The following CDH2 variants were observed in gnomAD, a reference collection of about 807,000 sequenced individuals.
CDH2 encodes the protein cadherin-2.
A neutral mutation model predicts 92.0 loss-of-function variants in CDH2; 17 were observed. That is an observed-to-expected ratio of 0.18 (90% confidence interval 0.13 to 0.28). The LOEUF (loss-of-function observed/expected upper bound fraction) is 0.28. Among genes scored for constraint, CDH2 ranks in the 10% least tolerant of loss-of-function variants. CDH2 has a pLI of 1.00. For synonymous variants in CDH2, 419 were observed against 415.9 expected (o/e 1.01, Z -0.09); for missense variants, 862 against 1,133.1 (o/e 0.76, Z 3.44).
intron 2 of CDH2, among the ~76,000 whole-genome samples, chr18:28,110,823 G>A (rs1034388347): frequency 2.0e-5 from 3 of 152,090 alleles, no homozygotes; most frequent in Non-Finnish European, 4.4e-5. Flanking sequence ...GTGGCCAAAG[G>A]TATCCAGCTG....
chr18:27,979,767 T>C (rs1469035911), intron 14 of CDH2, among the ~76,000 whole-genome samples: 1 of 152,128 alleles, frequency 6.6e-6, no homozygotes, highest in Non-Finnish European at 1.5e-5. Context: ...TGCTAATCTA[T>C]GGTGACAGAA....
At chr18:28,091,001 C>G (rs144202682) in intron 2 of CDH2, among the ~76,000 whole-genome samples, 2 of 152,166 alleles carry the variant, frequency 1.3e-5, no homozygotes, top group Non-Finnish European at 2.9e-5. Context: ...ACCTAATATG[C>G]TAGTCCTCCG....
At chr18:28,132,831 A>G (rs1415934886) in intron 2 of CDH2, among the ~76,000 whole-genome samples, 1 of 152,178 alleles carries the variant, frequency 6.6e-6, no homozygotes, top group African/African-American at 2.4e-5. Flanking sequence ...TCCCAAATCC[A>G]TAACTGCTTA....
chr18:27,947,182 A>ATTTT (rs556029721), downstream of CDH2, among the ~76,000 whole-genome samples: 313 of 151,950 alleles, frequency 2.1e-3, 4 homozygotes, highest in African/African-American at 7.1e-3. Context: ...TATTAAAAGT[A>ATTTT]ATACAACAGT....
At chr18:27,938,707 C>T (rs1909073366) in intron 6 of CDH2, among the ~76,000 whole-genome samples, 1 of 151,974 alleles carries the variant, frequency 6.6e-6, no homozygotes, top group Admixed American at 6.6e-5. Context: ...GAAAGTGAAA[C>T]CTCTACATTT....
intron 2 of CDH2, among the ~76,000 whole-genome samples, chr18:28,051,477 T>G (rs141307695): frequency 2.7e-4 from 41 of 152,306 alleles, no homozygotes; most frequent in Admixed American, 1.4e-3. Flanking sequence ...AAATGCAGTG[T>G]ATAAGGTAAG....
intron 1 of CDH2, among the ~76,000 whole-genome samples, chr18:28,162,767 C>A (rs536227983): frequency 6.6e-6 from 1 of 152,342 alleles, no homozygotes; most frequent in Non-Finnish European, 1.5e-5. Flanking sequence ...CCTGGCCAGC[C>A]ACCTCACAAC....
At chr18:27,961,127 G>GA (rs1264829331) in intron 15 of CDH2, among the ~76,000 whole-genome samples, 2 of 151,900 alleles carry the variant, frequency 1.3e-5, no homozygotes, top group Non-Finnish European at 2.9e-5. Flanking sequence ...TGACAAGTAG[G>GA]ATGAAAGGCT....
chr18:28,073,763 T>G (rs1202441997), intron 2 of CDH2, among the ~76,000 whole-genome samples: 1 of 152,186 alleles, frequency 6.6e-6, no homozygotes, highest in Non-Finnish European at 1.5e-5. Context: ...AGAATATCTG[T>G]GTTCAAAATC....
At chr18:28,052,135 C>T (rs2014204442) in intron 2 of CDH2, among the ~76,000 whole-genome samples, 1 of 152,108 alleles carries the variant, frequency 6.6e-6, no homozygotes, top group Non-Finnish European at 1.5e-5. Context: ...GTATATTTTA[C>T]AAAGACAATT....
chr18:27,938,421 T>A (rs1421766013), intron 6 of CDH2, among the ~76,000 whole-genome samples: 1 of 152,176 alleles, frequency 6.6e-6, no homozygotes, highest in Admixed American at 6.5e-5. Context: ...TAGACCATGT[T>A]TGTCCTCATA....
In CDH2 at chr18:28,003,180, T is replaced by A. The variant is rs745392532; in HGVS notation, c.848-11A>T. On this transcript the variant is annotated splice_polypyrimidine_tract_variant and intron_variant, in intron 6 of 15. Coordinates refer to ENST00000269141, the MANE Select transcript of CDH2 (RefSeq NM_001792.5). ...TCATCACATATGTTCCTAGAGACAGTGTACATGGAAAATGAATGGTTACCC... is the reference window on the plus strand; with the variant it reads ...TCATCACATATGTTCCTAGAGACAGAGTACATGGAAAATGAATGGTTACCC... 1 of 1,600,568 alleles carries A rather than the reference T, an allele frequency of 6.2e-7. No homozygotes were observed. Among genetic ancestry groups the A allele is most frequent in the South Asian group, 1.1e-5 (1 of 90,322 alleles).
At chr18:28,133,814 C>G (rs911325470) in intron 2 of CDH2, among the ~76,000 whole-genome samples, 1 of 151,876 alleles carries the variant, frequency 6.6e-6, no homozygotes, top group South Asian at 2.1e-4. Flanking sequence ...ACTGCAAAAC[C>G]GTGATGCTGC....
intron 6 of CDH2, among the ~76,000 whole-genome samples, chr18:27,934,519 A>C (rs944476412): frequency 6.6e-6 from 1 of 152,174 alleles, no homozygotes; most frequent in Non-Finnish European, 1.5e-5. Context: ...TCTTGCCCTA[A>C]AGATCAGCTA....
At chr18:27,947,386 A>G (rs1020826297), downstream of CDH2, among the ~76,000 whole-genome samples, 1 of 151,850 alleles carries the variant, frequency 6.6e-6, no homozygotes, top group Admixed American at 6.6e-5. Flanking sequence ...ATATTATAGT[A>G]TTGGATAGAA....
At chr18:27,968,526 T>A (rs552151947) in intron 14 of CDH2, among the ~76,000 whole-genome samples, 9 of 152,134 alleles carry the variant, frequency 5.9e-5, no homozygotes, top group Admixed American at 3.9e-4. Flanking sequence ...TAAGACTAAC[T>A]GTTGTTTAGG....
intron 1 of CDH2, among the ~76,000 whole-genome samples, chr18:28,148,610 A>G (rs2016074377): frequency 6.6e-6 from 1 of 152,130 alleles, no homozygotes; most frequent in Non-Finnish European, 1.5e-5. Flanking sequence ...AGGAAACTCT[A>G]CCATGTACTA....
rs761795337 is a variant in CDH2, at chr18:28,073,957, T to C, written c.173-60048A>G. Among the ~76,000 whole-genome samples, 73 of 152,162 alleles carry C rather than the reference T, an allele frequency of 4.8e-4. 1 individual carries two copies. The highest frequency in any genetic ancestry group is 7.6e-4 in the Non-Finnish European group (52 of 68,036). ...TGTTTAGCCATTCACTATCTTGTTA[T>C]TTACATTGTATTAATATCATTAGCA... is the stretch of plus-strand genomic sequence containing the variant. On this transcript the variant is annotated intron_variant, in intron 2 of 15. Transcript: ENST00000269141.
At chr18:28,073,722 T>C (rs1273870772) in intron 2 of CDH2, among the ~76,000 whole-genome samples, 1 of 152,200 alleles carries the variant, frequency 6.6e-6, no homozygotes, top group Non-Finnish European at 1.5e-5. Flanking sequence ...GTAATCAAGC[T>C]ACTAGTGGGG....
Sources: allele counts gnomAD v4.1 joint callset (sites outside exome capture counted in the v4.1 genomes callset), GRCh38; gene constraint gnomAD v4.1.1; transcripts MANE v1.5; gene names NCBI Gene and HGNC (gene_info 2026-07-23, HGNC 2026-07-21).